SNTG1: variants seen among roughly 807,000 people sequenced by gnomAD.
SNTG1 encodes the protein syntrophin gamma 1, also known as gamma-1-syntrophin.
Under a neutral mutation model 74.7 loss-of-function variants are expected in SNTG1, and 39 were observed. The ratio of observed to expected loss-of-function variants is 0.52; its 90% CI spans 0.40 to 0.68. The LOEUF (loss-of-function observed/expected upper bound fraction) is 0.68. SNTG1 is among the 30% of genes least tolerant of loss of function. The probability of loss-of-function intolerance (pLI) is 0.00; values close to 1 mark genes in which losing one functional copy is unlikely to be tolerated. For synonymous variants in SNTG1, 254 were observed against 217.1 expected, an observed-to-expected ratio of 1.17 and a Z score of -1.49; for missense variants, 685 against 609.5, an observed-to-expected ratio of 1.12 and a Z score of -1.30.
chr8:49,971,560 A>G (rs553572427), intron 1 of SNTG1, among the ~76,000 whole-genome samples: 2 of 152,180 alleles, frequency 1.3e-5, no homozygotes, highest in African/African-American at 4.8e-5. Flanking sequence ...AATTAGGAAA[A>G]GAGGAAGTCA....
intron 2 of SNTG1, among the ~76,000 whole-genome samples, chr8:50,374,977 AAT>A (rs2092346449): frequency 6.6e-6 from 1 of 152,144 alleles, no homozygotes; most frequent in Admixed American, 6.5e-5. Flanking sequence ...GTGAAGGTGT[AAT>A]GTGTCCTGGA....
chr8:50,588,537 T>C (rs2094669510), intron 12 of SNTG1, among the ~76,000 whole-genome samples: 1 of 152,164 alleles, frequency 6.6e-6, no homozygotes, highest in Admixed American at 6.5e-5. Context: ...ATTACCCTAA[T>C]ACACAATTAA....
chr8:50,484,157 C>CT lies in SNTG1; in HGVS notation c.364-18619dup, dbSNP rs1563453694. ...CTTTCCTTCTTTCTTTCTTTCCTTC[C>CT]TTCCTTCCTTCCTTCCTTCCTTCCT... On this transcript the variant is annotated intron_variant, in intron 8 of 18. Transcript: ENST00000642720. Among the ~76,000 whole-genome samples the CT allele has an allele frequency of 9.0e-3, 252 of 27,968 alleles. 2 individuals are homozygous for CT. Among genetic ancestry groups the CT allele is most frequent in the Non-Finnish European group, 0.017 (133 of 7,914 alleles). 18.3% of individuals were successfully genotyped at this position (27,968 alleles called of 152,430 possible). A position where few individuals can be genotyped will look rare whatever the true frequency, so the allele number is the denominator to read the frequency against.
chr8:50,168,618 C>A (rs142288075), intron 1 of SNTG1, among the ~76,000 whole-genome samples: 47 of 152,196 alleles, frequency 3.1e-4, no homozygotes, highest in Admixed American at 1.8e-3. Context: ...CCAAAAGAAT[C>A]TGTGAATCTA....
At chr8:50,118,253 T>G (rs2080889275) in intron 1 of SNTG1, among the ~76,000 whole-genome samples, 1 of 152,088 alleles carries the variant, frequency 6.6e-6, no homozygotes, top group South Asian at 2.1e-4. Context: ...GCTTCATGAC[T>G]GGAGAAGACA....
At chr8:50,162,377 A>G (rs1446721827) in intron 1 of SNTG1, among the ~76,000 whole-genome samples, 1 of 151,944 alleles carries the variant, frequency 6.6e-6, no homozygotes, top group Non-Finnish European at 1.5e-5. Flanking sequence ...CCTGGCTAAC[A>G]CGGTGAAACC....
intron 2 of SNTG1, among the ~76,000 whole-genome samples, chr8:50,352,879 AT>A (rs1034583376): frequency 6.6e-6 from 1 of 152,164 alleles, no homozygotes; most frequent in Admixed American, 6.5e-5. Context: ...TAGAAATACC[AT>A]TTGACCCAGC....
chr8:50,105,593 G>A (rs1314181746), intron 1 of SNTG1, among the ~76,000 whole-genome samples: 1 of 151,846 alleles, frequency 6.6e-6, no homozygotes, highest in East Asian at 1.9e-4. Context: ...ATTTTAGTAG[G>A]AATAGTATTT....
intron 13 of SNTG1, among the ~76,000 whole-genome samples, chr8:50,637,257 A>G (rs572890332): frequency 6.6e-6 from 1 of 152,308 alleles, no homozygotes. Context: ...TACGATGATT[A>G]AAATTTTCTT....
intron 17 of SNTG1, among the ~76,000 whole-genome samples, chr8:50,730,045 G>A (rs778862114): frequency 1.3e-5 from 2 of 152,116 alleles, no homozygotes; most frequent in Non-Finnish European, 2.9e-5. Context: ...AAGAAAAAAT[G>A]AGAGCGATTG....
intron 17 of SNTG1, among the ~76,000 whole-genome samples, chr8:50,715,653 T>C (rs1314060943): frequency 2.6e-5 from 4 of 152,182 alleles, no homozygotes; most frequent in East Asian, 3.8e-4. Flanking sequence ...TTAGCCTTAA[T>C]TGAATATACA....
rs35569528 is a variant in SNTG1, at chr8:50,444,751, GAAAAAAAAAAAAA to G, written c.220-4913_220-4901del. Among the ~76,000 whole-genome samples the G allele has an allele frequency of 2.3e-4, 6 of 26,036 alleles. No individual in the cohort carries two copies. In the East Asian group the frequency reaches 8.9e-3, roughly 39 times the overall value. 17.1% of individuals were successfully genotyped at this position (26,036 alleles called of 152,430 possible). A position where few individuals can be genotyped will look rare whatever the true frequency, so the allele number is the denominator to read the frequency against. On this transcript the variant is annotated intron_variant, in intron 5 of 18. Transcript: ENST00000642720. ...GGCGACAGAGCAAGACTCCATCTCA[GAAAAAAAAAAAAA>G]AAAGAAAGAGATAACAAGCATACAG...
intron 2 of SNTG1, among the ~76,000 whole-genome samples, chr8:50,211,984 C>T (rs1163533643): frequency 6.6e-6 from 1 of 151,996 alleles, no homozygotes; most frequent in Non-Finnish European, 1.5e-5. Flanking sequence ...TATATGTGTT[C>T]TGCAGTAATT....
intron 13 of SNTG1, among the ~76,000 whole-genome samples, chr8:50,636,430 A>G (rs924790060): frequency 3.9e-5 from 6 of 152,040 alleles, no homozygotes; most frequent in African/African-American, 1.2e-4. Flanking sequence ...GGCACACGGT[A>G]GTAAAGCTTG....
At chr8:49,979,512 C>G (rs1420893001) in intron 1 of SNTG1, among the ~76,000 whole-genome samples, 1 of 152,208 alleles carries the variant, frequency 6.6e-6, no homozygotes, top group African/African-American at 2.4e-5. Flanking sequence ...TGCACTTCCC[C>G]CCGATCCTCC....
intron 2 of SNTG1, among the ~76,000 whole-genome samples, chr8:50,376,756 T>TATAGAGAGAGAGAGAGAGAGAGAG (rs1381048539): frequency 2.2e-5 from 2 of 89,988 alleles, no homozygotes; most frequent in Non-Finnish European, 4.5e-5. Flanking sequence ...TATATATATA[T>TATAGAGAGAGAGAGAGAGAGAGAG]AGAGAGAGAG....
intron 2 of SNTG1, 149 bp downstream of exon 2, chr8:50,172,784 A>AC (rs1023478228): frequency 1.4e-4 from 20 of 140,622 alleles, no homozygotes; most frequent in African/African-American, 3.9e-4. Flanking sequence ...GACAAAAAAA[A>AC]AAAACAAAAC....
chr8:49,995,521 T>G (rs1384841614), intron 1 of SNTG1, among the ~76,000 whole-genome samples: 1 of 152,174 alleles, frequency 6.6e-6, no homozygotes, highest in Non-Finnish European at 1.5e-5. Flanking sequence ...ATGTGTGCAT[T>G]TGTTTAATTT....
rs554562536 is a variant in SNTG1, at chr8:50,143,830, A to T, written c.-102-28731A>T. On this transcript the variant is annotated intron_variant, in intron 1 of 18. Coordinates refer to ENST00000642720, the MANE Select transcript of SNTG1 (RefSeq NM_018967.5). ...AATGGGGAGTAACATATTAAGACTG[A>T]CTTCCTAGGTCAAAACTTGGAATAC... is the stretch of plus-strand genomic sequence containing the variant. Among the ~76,000 whole-genome samples the T allele has an allele frequency of 1.4e-4, 22 of 152,320 alleles. No homozygotes were observed. In the East Asian group the frequency reaches 4.2e-3, roughly 29 times the overall value.
Sources: gnomAD v4.1 joint callset for allele counts (sites outside exome capture counted in the v4.1 genomes callset) on GRCh38, gnomAD v4.1.1 for gene constraint, MANE v1.5 for transcripts, NCBI Gene and HGNC (gene_info 2026-07-23, HGNC 2026-07-21) for gene names.